Variants in PKD1L1 observed in about 807,000 individuals in gnomAD.
PKD1L1 encodes the protein polycystin 1 like 1, transient receptor potential channel interacting, also known as polycystin-1-like protein 1.
In PKD1L1, 236 loss-of-function variants were observed where a neutral mutation model predicts 323.4. The ratio of observed to expected loss-of-function variants is 0.73; its 90% CI spans 0.66 to 0.81. The LOEUF (loss-of-function observed/expected upper bound fraction) is 0.81, where lower values mean the gene tolerates loss of function less well. Among genes scored for constraint, PKD1L1 ranks in the 40% least tolerant of loss-of-function variants. PKD1L1 has a pLI of 0.00. For synonymous variants in PKD1L1, 1,344 were observed against 1,335.0 expected (o/e 1.01, Z -0.15); for missense variants, 3,320 against 3,508.0 (o/e 0.95, Z 1.35).
intron 4 of PKD1L1, among the ~76,000 whole-genome samples, chr7:47,935,262 G>A (rs1158477337): frequency 6.6e-6 from 1 of 152,172 alleles, no homozygotes; most frequent in Non-Finnish European, 1.5e-5. Flanking sequence ...CAAAGAATGA[G>A]TTTTCTTAAC....
chr7:47,818,603 C>T (rs1313083036), intron 46 of PKD1L1, among the ~76,000 whole-genome samples: 2 of 152,196 alleles, frequency 1.3e-5, no homozygotes, highest in African/African-American at 4.8e-5. Flanking sequence ...TCACACCTCA[C>T]TCCTGGCACA....
intron 53 of PKD1L1, among the ~76,000 whole-genome samples, 188 bp from the exon 54 acceptor site, chr7:47,801,067 C>T (rs1584951766): frequency 1.3e-5 from 2 of 152,046 alleles, no homozygotes; most frequent in African/African-American, 4.8e-5. Context: ...CCCAGGCCTC[C>T]CTCCTCCCAC....
intron 56 of PKD1L1, among the ~76,000 whole-genome samples, chr7:47,784,664 G>T (rs1451426549): frequency 6.6e-6 from 1 of 151,886 alleles, no homozygotes; most frequent in Non-Finnish European, 1.5e-5. Context: ...GTAGAAACGG[G>T]GTTTCACCAT....
chr7:47,815,184 C>G, intron 47 of PKD1L1, 150 bp downstream of exon 47: 1 of 972,176 alleles, frequency 1.0e-6, no homozygotes, highest in Non-Finnish European at 1.5e-6. Context: ...GGATGCTCTG[C>G]TGGGACCCAC....
At chr7:47,812,828 AAGGTC>A (rs1386787877) in intron 49 of PKD1L1, among the ~76,000 whole-genome samples, 1 of 152,258 alleles carries the variant, frequency 6.6e-6, no homozygotes, top group African/African-American at 2.4e-5. Flanking sequence ...AGCTTGGCAC[AAGGTC>A]AGCATGCAAC....
chr7:47,869,004 T>C (rs995121843), intron 24 of PKD1L1, among the ~76,000 whole-genome samples: 13 of 152,210 alleles, frequency 8.5e-5, no homozygotes, highest in Non-Finnish European at 1.3e-4. Context: ...AATGGATCTA[T>C]AGAGGAGTAA....
chr7:47,854,226 C>T (rs1195872576), intron 30 of PKD1L1, among the ~76,000 whole-genome samples: 1 of 152,128 alleles, frequency 6.6e-6, no homozygotes, highest in Non-Finnish European at 1.5e-5. Flanking sequence ...ACCCTTTAAT[C>T]TAGTTGAGAT....
chr7:47,848,311 C>A (rs183620196), intron 31 of PKD1L1, among the ~76,000 whole-genome samples: 1 of 151,612 alleles, frequency 6.6e-6, no homozygotes, highest in Non-Finnish European at 1.5e-5. Context: ...GAATAAACTA[C>A]GGTCCATCTA....
intron 23 of PKD1L1, among the ~76,000 whole-genome samples, chr7:47,875,839 GA>G (rs1382538467): frequency 6.6e-6 from 1 of 151,986 alleles, no homozygotes; most frequent in African/African-American, 2.4e-5. Flanking sequence ...ATTTATATAT[GA>G]AAAAACATTC....
In PKD1L1 at chr7:47,804,469, A is replaced by ATTTT. The variant is rs71966592; in HGVS notation, c.7828-1129_7828-1126dup. On this transcript the variant is annotated intron_variant, in intron 52 of 56. Transcript: ENST00000289672. ...ATTATTGAGATATTTTACATTTTTA[A>ATTTT]TTTTTTTTTTTTTTTTTTTTGAGAG... Among the ~76,000 whole-genome samples, 112 of 123,012 alleles carry ATTTT rather than the reference A, an allele frequency of 9.1e-4. 1 individual carries two copies. Among genetic ancestry groups the ATTTT allele is most frequent in the Non-Finnish European group, 1.3e-3 (81 of 61,548 alleles). 80.7% of individuals were successfully genotyped at this position (123,012 alleles called of 152,430 possible). A position where few individuals can be genotyped will look rare whatever the true frequency, so the allele number is the denominator to read the frequency against.
At position 47,781,555 on chromosome 7, in the gene PKD1L1, C is replaced by A. The variant is rs1002110174; in HGVS notation, c.8527-6389G>T. Among the ~76,000 whole-genome samples the A allele has an allele frequency of 2.6e-5, 4 of 151,754 alleles. No homozygotes were observed. The South Asian group carries it at 8.3e-4, about 32-fold the overall frequency. On this transcript the variant is annotated intron_variant, in intron 56 of 56. Transcript: ENST00000289672. The stretch of plus-strand genomic sequence containing the variant: ...TCCCAAGTAGCTGGGACTACAGGAG[C>A]CTGCCACCATGCCCAGCTAATTTTT...
the PKD1L1 span, among the ~76,000 whole-genome samples, chr7:47,954,179 G>A: frequency 8.5e-5 from 13 of 152,156 alleles, no homozygotes; most frequent in African/African-American, 2.7e-4. Flanking sequence ...TATGAGCCTC[G>A]GAAGAGCCAT....
chr7:47,956,962 C>A, the PKD1L1 span: 1 of 153,042 alleles, frequency 6.5e-6, no homozygotes, highest in Non-Finnish European at 1.5e-5. Flanking sequence ...TGTCCAGATA[C>A]ATATAAAGAT....
At position 47,800,812 on chromosome 7, in the gene PKD1L1, A is replaced by G. The variant is rs1784645139; in HGVS notation, c.8030T>C (p.Leu2677Pro). The G allele has an allele frequency of 6.2e-7, 1 of 1,614,048 alleles. No homozygotes were observed. The highest frequency in any genetic ancestry group is 8.5e-7 in the Non-Finnish European group (1 of 1,180,034). The change falls in exon 54 of 57, where the codon CTA becomes CCA. Residue 2677 changes from leucine to proline, a missense_variant. Physicochemically the swap from Leu to Pro is moderately conservative, Grantham distance 98. Coordinates refer to ENST00000289672, the MANE Select transcript of PKD1L1 (RefSeq NM_138295.5). ...GGCGTCTGTGAAGGTGCCAGGTGGT[A>G]GAACCCACATAGAGAGCAGAAATCG... ...LHRFLLSMWV[L>P]PPGTFTDAFP... is the part of the protein sequence containing the mutation.
rs958190350 is a variant in PKD1L1, at chr7:47,936,943, T to C, written c.301A>G (p.Thr101Ala). ...ASRQKNIWKT[T>A]SEAALSVVNE... is the part of the protein sequence containing the mutation. ...ACAACACTTAACGCTGCTTCACTAG[T>C]TGTTTTCCAAATGTTCTGTAAGAAA... The change falls in exon 4 of 57, where the codon ACT (threonine) becomes GCT (alanine). Residue 101 changes from threonine to alanine, a missense_variant. Coordinates refer to ENST00000289672, the MANE Select transcript of PKD1L1 (RefSeq NM_138295.5). 1.9e-6 allele frequency: 3 copies of C among 1,609,752 alleles called. No homozygotes were observed. Among genetic ancestry groups the C allele is most frequent in the Admixed American group, 3.4e-5 (2 of 58,946 alleles).
intron 31 of PKD1L1, among the ~76,000 whole-genome samples, chr7:47,849,252 G>C (rs1363062418): frequency 6.6e-6 from 1 of 152,102 alleles, no homozygotes; most frequent in Non-Finnish European, 1.5e-5. Flanking sequence ...AATTCTAAAA[G>C]ATAACATCAG....
chr7:47,959,937 GGC>G, the PKD1L1 span, among the ~76,000 whole-genome samples: 1 of 152,002 alleles, frequency 6.6e-6, no homozygotes, highest in African/African-American at 2.4e-5. Flanking sequence ...AGGGGGGAAA[GGC>G]GGGGAAAGGA....
chr7:47,914,853 A>T (rs1787395729), intron 8 of PKD1L1, among the ~76,000 whole-genome samples: 1 of 152,108 alleles, frequency 6.6e-6, no homozygotes, highest in South Asian at 2.1e-4. Flanking sequence ...AGCAGATAGC[A>T]GATACCTGGA....
intron 8 of PKD1L1, among the ~76,000 whole-genome samples, chr7:47,914,260 C>G (rs1004786369): frequency 2.0e-5 from 3 of 152,160 alleles, no homozygotes; most frequent in Non-Finnish European, 4.4e-5. Context: ...TTAAAATGCA[C>G]ACAGAGCCCA....
Sources: gnomAD v4.1 joint callset for allele counts (sites outside exome capture counted in the v4.1 genomes callset) on GRCh38, gnomAD v4.1.1 for gene constraint, MANE v1.5 for transcripts, NCBI Gene and HGNC (gene_info 2026-07-23, HGNC 2026-07-21) for gene names.